Variants in GABRG3 observed in about 807,000 individuals in gnomAD.
GABRG3 encodes gamma-aminobutyric acid receptor subunit gamma-3.
A neutral mutation model predicts 48.8 loss-of-function variants in GABRG3; 25 were observed. That is an observed-to-expected ratio of 0.51 (90% CI 0.37 to 0.72). The LOEUF (loss-of-function observed/expected upper bound fraction) is 0.72, where lower values mean the gene tolerates loss of function less well. Among genes scored for constraint, GABRG3 ranks in the 30% least tolerant of loss-of-function variants. GABRG3 has a pLI of 0.00. For missense variants in GABRG3, 394 were observed against 577.9 expected, an observed-to-expected ratio of 0.68 and a Z score of 3.26; for synonymous variants, 227 against 217.6, an observed-to-expected ratio of 1.04 and a Z score of -0.38.
chr15:27,198,812 A>C (rs1053200913), intron 3 of GABRG3, among the ~76,000 whole-genome samples: 1 of 152,244 alleles, frequency 6.6e-6, no homozygotes, highest in African/African-American at 2.4e-5. Context: ...AATACTGTGC[A>C]GCTATAAAAA....
intron 3 of GABRG3, among the ~76,000 whole-genome samples, chr15:27,085,851 C>T (rs1342973864): frequency 6.6e-6 from 1 of 152,142 alleles, no homozygotes; most frequent in Middle Eastern, 3.2e-3. Flanking sequence ...TGAAATCCTT[C>T]CTATGTTCTG....
intron 5 of GABRG3, among the ~76,000 whole-genome samples, chr15:27,344,094 G>T (rs1207072314): frequency 6.6e-6 from 1 of 152,232 alleles, no homozygotes; most frequent in Non-Finnish European, 1.5e-5. Flanking sequence ...TACTTCCAGA[G>T]AAACCAGCGA....
At chr15:27,078,380 TG>T (rs1326535728) in intron 3 of GABRG3, among the ~76,000 whole-genome samples, 2 of 152,186 alleles carry the variant, frequency 1.3e-5, no homozygotes, top group African/African-American at 4.8e-5. Context: ...TAATATACCT[TG>T]TTTTGCTTTA....
intron 3 of GABRG3, among the ~76,000 whole-genome samples, chr15:27,067,547 C>A (rs1896758455): frequency 6.6e-6 from 1 of 152,206 alleles, no homozygotes; most frequent in South Asian, 2.1e-4. Context: ...TTCTGTGATC[C>A]TTGGTGCTCC....
chr15:27,237,888 G>T (rs1358659242), intron 3 of GABRG3, among the ~76,000 whole-genome samples: 1 of 152,156 alleles, frequency 6.6e-6, no homozygotes, highest in African/African-American at 2.4e-5. Context: ...GGATTAAGTG[G>T]ATAATATGTG....
chr15:27,265,652 G>A (rs1280388043), intron 3 of GABRG3, among the ~76,000 whole-genome samples: 1 of 152,138 alleles, frequency 6.6e-6, no homozygotes, highest in Non-Finnish European at 1.5e-5. Flanking sequence ...CATGATTTGA[G>A]CGAGCACTTC....
At chr15:27,386,421 C>T (rs1895922175) in intron 5 of GABRG3, among the ~76,000 whole-genome samples, 1 of 152,110 alleles carries the variant, frequency 6.6e-6, no homozygotes, top group African/African-American at 2.4e-5. Flanking sequence ...TGTTAAATTT[C>T]TGGCTGATCA....
At chr15:27,312,569 AC>A (rs1356952707) in intron 3 of GABRG3, among the ~76,000 whole-genome samples, 1 of 152,134 alleles carries the variant, frequency 6.6e-6, no homozygotes, top group Non-Finnish European at 1.5e-5. Context: ...ACACAAGGAC[AC>A]CCCCATAAAA....
chr15:27,133,181 A>G (rs1897950198), intron 3 of GABRG3, among the ~76,000 whole-genome samples: 1 of 152,170 alleles, frequency 6.6e-6, no homozygotes, highest in African/African-American at 2.4e-5. Flanking sequence ...ACTATAGAGA[A>G]AAGTGAATAT....
At position 27,536,856 on chromosome 15, in the gene GABRG3, T is replaced by A. The variant is rs1483168006; in HGVS notation, c.*3975T>A. On this transcript the variant is annotated 3_prime_UTR_variant, in exon 10 of 10. Transcript: ENST00000615808. ...GACTAGGAAGCAATGAGCCACTCTATCTAAAGGGCTAGAACACAAAACAGA... is the reference window on the plus strand; with the variant it reads ...GACTAGGAAGCAATGAGCCACTCTAACTAAAGGGCTAGAACACAAAACAGA... The A allele has an allele frequency of 6.6e-6, 1 of 152,204 alleles. No individual in the cohort carries two copies. The highest frequency in any genetic ancestry group is 1.9e-4 in the East Asian group (1 of 5,200). The allele number at this position is 152,204 out of a possible 1,614,324, so 9.4% of individuals were successfully genotyped here.
At chr15:27,166,443 T>C (rs1277860507) in intron 3 of GABRG3, among the ~76,000 whole-genome samples, 1 of 152,076 alleles carries the variant, frequency 6.6e-6, no homozygotes, top group Non-Finnish European at 1.5e-5. Context: ...GTAGGAAGAG[T>C]GAAAGGTGTT....
chr15:27,288,717 GAA>G (rs35366869), intron 3 of GABRG3, among the ~76,000 whole-genome samples: 1,550 of 84,918 alleles, frequency 0.018, 25 homozygotes, highest in African/African-American at 0.046. Context: ...CCGTCTCACA[GAA>G]AAAAAAAAAA....
At chr15:26,991,030 C>T (rs773119620) in intron 2 of GABRG3, among the ~76,000 whole-genome samples, 12 of 152,138 alleles carry the variant, frequency 7.9e-5, no homozygotes, top group Non-Finnish European at 1.5e-4. Flanking sequence ...TTCTTGAACT[C>T]CTGACCTCGT....
At chr15:27,395,795 G>A (rs1887280970) in intron 5 of GABRG3, among the ~76,000 whole-genome samples, 1 of 152,136 alleles carries the variant, frequency 6.6e-6, no homozygotes, top group African/African-American at 2.4e-5. Context: ...GCTTCATTTG[G>A]GTTGGGCAAG....
chr15:27,130,401 A>C (rs1460124376), intron 3 of GABRG3, among the ~76,000 whole-genome samples: 1 of 152,114 alleles, frequency 6.6e-6, no homozygotes, highest in Non-Finnish European at 1.5e-5. Context: ...CCACTGGTCT[A>C]GATATCTGTC....
At chr15:27,026,845 A>G (rs764032775) in intron 3 of GABRG3, 24 bp downstream of exon 3, 11 of 1,532,540 alleles carry the variant, frequency 7.2e-6, no homozygotes, top group African/African-American at 1.4e-5. Flanking sequence ...TTATTTTCTG[A>G]TCTAACGGCT....
chr15:27,232,047 G>T (rs931610761), intron 3 of GABRG3, among the ~76,000 whole-genome samples: 6 of 152,016 alleles, frequency 3.9e-5, no homozygotes, highest in Admixed American at 6.6e-5. Flanking sequence ...ACATCAATAG[G>T]CTCTCCCAGC....
At chr15:27,145,446 T>C (rs1467655084) in intron 3 of GABRG3, among the ~76,000 whole-genome samples, 1 of 152,068 alleles carries the variant, frequency 6.6e-6, no homozygotes, top group East Asian at 1.9e-4. Context: ...ATGTGAAGTG[T>C]GTGAAGTGAC....
chr15:27,243,704 T>C (rs928355123), intron 3 of GABRG3, among the ~76,000 whole-genome samples: 2 of 152,214 alleles, frequency 1.3e-5, no homozygotes, highest in Non-Finnish European at 2.9e-5. Flanking sequence ...TTGGCCATTG[T>C]CTATTTGCAT....
Sources: allele counts gnomAD v4.1 joint callset (sites outside exome capture counted in the v4.1 genomes callset), GRCh38; gene constraint gnomAD v4.1.1; transcripts MANE v1.5; gene names NCBI Gene and HGNC (gene_info 2026-07-23, HGNC 2026-07-21).